The following NUF2 variants were observed in gnomAD, a reference collection of about 807,000 sequenced individuals.
NUF2 encodes kinetochore protein Nuf2.
In NUF2, 34 loss-of-function variants were observed where a neutral mutation model predicts 61.8. The ratio of observed to expected loss-of-function variants is 0.55; its 90% CI spans 0.42 to 0.73. The LOEUF (loss-of-function observed/expected upper bound fraction) is 0.73, where lower values mean the gene tolerates loss of function less well. Among genes scored for constraint, NUF2 ranks in the 30% least tolerant of loss-of-function variants. NUF2 has a pLI of 0.00. For missense variants in NUF2, 445 were observed against 539.1 expected (o/e 0.83, Z 1.73); for synonymous variants, 172 against 181.6 (o/e 0.95, Z 0.42).
intron 10 of NUF2, among the ~76,000 whole-genome samples, chr1:163,344,083 A>G (rs1318786907): frequency 6.6e-6 from 1 of 152,096 alleles, no homozygotes. Flanking sequence ...TTATGCAACA[A>G]TTTTTCGAGG....
intron 13 of NUF2, among the ~76,000 whole-genome samples, chr1:163,354,908 A>G (rs1282075917): frequency 6.6e-6 from 1 of 152,072 alleles, no homozygotes; most frequent in Non-Finnish European, 1.5e-5. Context: ...AGGTATTAAT[A>G]TATTCTTCAG....
At chr1:163,344,440 C>T (rs1465950005) in intron 10 of NUF2, among the ~76,000 whole-genome samples, 1 of 147,968 alleles carries the variant, frequency 6.8e-6, no homozygotes, top group Non-Finnish European at 1.5e-5. Flanking sequence ...AAGAATGCTA[C>T]CATTCTTCAG....
intron 2 of NUF2, among the ~76,000 whole-genome samples, chr1:163,326,405 A>T (rs1186019635): frequency 3.4e-5 from 1 of 29,234 alleles, no homozygotes; most frequent in African/African-American, 7.9e-5. Flanking sequence ...TCGTTTTCTT[A>T]AAAAAAAAAA....
Position 163,347,752 on chromosome 1 carries a change from A to C in NUF2, c.949-11A>C. The C allele has an allele frequency of 6.7e-7, 1 of 1,491,222 alleles. No individual in the cohort carries two copies. The allele number at this position is 1,491,222 out of a possible 1,614,324, so 92.4% of individuals were successfully genotyped here. A position where few individuals can be genotyped will look rare whatever the true frequency, so the allele number is the denominator to read the frequency against. Reference sequence around the variant, plus strand: ...GTTATGTTGACTTTAAATACTTCTTATAAAATACAGAGCCTGAACTTGGAG... The same window carrying C: ...GTTATGTTGACTTTAAATACTTCTTCTAAAATACAGAGCCTGAACTTGGAG... On this transcript the variant is annotated splice_polypyrimidine_tract_variant and intron_variant, in intron 11 of 13. Transcript: ENST00000271452.
rs767036830 is a variant in NUF2 at position 163,326,132 on chromosome 1, T to C, written c.81T>C (p.Asp27=). 6.2e-7 allele frequency: 1 copy of C among 1,613,302 alleles called. No individual in the cohort carries two copies. The highest frequency in any genetic ancestry group is 8.5e-7 in the Non-Finnish European group (1 of 1,179,486). The change falls in exon 2 of 14, where the codon GAT becomes GAC. Residue 27 remains aspartate (D), a synonymous_variant. Transcript: ENST00000271452. ...GCAATAAGATCTTAACAGGAGCTGATGGTAAAAACCTCACCAAGAATGATC... is the reference window on the plus strand; with the variant it reads ...GCAATAAGATCTTAACAGGAGCTGACGGTAAAAACCTCACCAAGAATGATC... The part of the protein sequence containing the change: ...HIRNKILTGA[D]GKNLTKNDLY...
rs1018574247 is a variant in NUF2 at position 163,333,838 on chromosome 1, A to G, written c.338-2913A>G. Among the ~76,000 whole-genome samples, 8 of 152,208 alleles carry G rather than the reference A, an allele frequency of 5.3e-5. 1 individual carries two copies. The highest frequency in any genetic ancestry group is 3.3e-4 in the Admixed American group (5 of 15,274). On this transcript the variant is annotated intron_variant, in intron 5 of 13. Coordinates refer to ENST00000271452, the MANE Select transcript of NUF2 (RefSeq NM_145697.3). ...TTCTATTTTGACATTTAAAAAATAC[A>G]TGTAGTGGGTACAAGTCCACATTTC...
chr1:163,344,342 G>A (rs890212183), intron 10 of NUF2, among the ~76,000 whole-genome samples: 3 of 151,816 alleles, frequency 2.0e-5, no homozygotes, highest in African/African-American at 7.3e-5. Context: ...ATCAGAAAGA[G>A]GAAAGAAAGT....
chr1:163,345,993 G>T (rs1651111972), intron 11 of NUF2, 175 bp downstream of exon 11: 1 of 445,122 alleles, frequency 2.2e-6, no homozygotes, highest in African/African-American at 2.0e-5. Context: ...AAACATAGCA[G>T]TAGCAAGACC....
chr1:163,351,886 T>A (rs1651332732), intron 13 of NUF2, among the ~76,000 whole-genome samples: 1 of 152,220 alleles, frequency 6.6e-6, no homozygotes. Flanking sequence ...TAAATGTTCT[T>A]TCCCATAGAT....
chr1:163,334,503 C>T (rs1290531479), intron 5 of NUF2, among the ~76,000 whole-genome samples: 1 of 152,054 alleles, frequency 6.6e-6, no homozygotes, highest in Non-Finnish European at 1.5e-5. Context: ...AGGCCAGGTG[C>T]AGTGACTCTC....
At chr1:163,339,508 A>C (rs748898424) in intron 8 of NUF2, 31 bp downstream of exon 8, 15 of 1,422,690 alleles carry the variant, frequency 1.1e-5, no homozygotes, top group Non-Finnish European at 1.4e-5. Context: ...TAAACTTTAA[A>C]AAACAAAATT....
chr1:163,342,547 C>G (rs1177013358), intron 9 of NUF2, among the ~76,000 whole-genome samples: 1 of 152,068 alleles, frequency 6.6e-6, no homozygotes, highest in Non-Finnish European at 1.5e-5. Context: ...TCTGAGTTAG[C>G]TGATCAAAAA....
chr1:163,355,483 A>G lies in NUF2; in HGVS notation c.*14A>G. The G allele has an allele frequency of 6.3e-7, 1 of 1,576,830 alleles. No individual in the cohort carries two copies. The highest frequency in any genetic ancestry group is 1.4e-5 in the African/African-American group (1 of 73,186). On this transcript the variant is annotated 3_prime_UTR_variant, in exon 14 of 14. Transcript: ENST00000271452. ...ATGTCAACCTGATTAACAAAATTAC[A>G]TGTCTTTTTGTAAATGGCTTGCCAT...
At chr1:163,325,799 C>A (rs528350488) in intron 1 of NUF2, among the ~76,000 whole-genome samples, 34 of 152,160 alleles carry the variant, frequency 2.2e-4, no homozygotes, top group African/African-American at 7.5e-4. Context: ...TCTCTTCCTA[C>A]AAAAGAGAAC....
intron 8 of NUF2, among the ~76,000 whole-genome samples, chr1:163,339,744 C>T (rs575613395): frequency 7.9e-5 from 12 of 152,118 alleles, no homozygotes; most frequent in Non-Finnish European, 1.3e-4. Context: ...GCTTCCAAAC[C>T]ATGCACTGTG....
In NUF2 at chr1:163,355,457, A is replaced by G. The variant is rs1651456366; in HGVS notation, c.1383A>G (p.Lys461=). 1.3e-6 allele frequency: 2 copies of G among 1,592,172 alleles called. No homozygotes were observed. The highest frequency in any genetic ancestry group is 1.7e-6 in the Non-Finnish European group (2 of 1,171,122). ...KTAELKRKMF[K]MST is the part of the protein sequence containing the mutation. Reference sequence around the variant, plus strand: ...CTGAACTGAAGAGGAAGATGTTCAAAATGTCAACCTGATTAACAAAATTAC... The same window carrying G: ...CTGAACTGAAGAGGAAGATGTTCAAGATGTCAACCTGATTAACAAAATTAC... The change falls in exon 14 of 14, where the codon AAA becomes AAG. Residue 461 remains lysine, a synonymous_variant. Coordinates refer to ENST00000271452, the MANE Select transcript of NUF2 (RefSeq NM_145697.3).
chr1:163,325,923 C>T, intron 1 of NUF2, 109 bp from the exon 2 acceptor site: 5 of 679,610 alleles, frequency 7.4e-6, no homozygotes, highest in Non-Finnish European at 1.2e-5. Flanking sequence ...ATAGTTAACA[C>T]TACTATGAAT....
chr1:163,343,651 A>G (rs1651020027), intron 9 of NUF2, 82 bp from the exon 10 acceptor site: 3 of 612,712 alleles, frequency 4.9e-6, no homozygotes, highest in Non-Finnish European at 7.5e-6. Flanking sequence ...ACATGGACCT[A>G]ATTTCTTTGT....
chr1:163,324,022 C>T (rs974316159), intron 1 of NUF2, among the ~76,000 whole-genome samples: 1 of 151,998 alleles, frequency 6.6e-6, no homozygotes, highest in Non-Finnish European at 1.5e-5. Flanking sequence ...TCTGGAGTGT[C>T]GTGTTCAGTT....
Sources: allele counts gnomAD v4.1 joint callset (sites outside exome capture counted in the v4.1 genomes callset), GRCh38; gene constraint gnomAD v4.1.1; transcripts MANE v1.5; gene names NCBI Gene and HGNC (gene_info 2026-07-23, HGNC 2026-07-21).